Variants in GDPD5 observed in about 807,000 individuals in gnomAD.
GDPD5 encodes the protein glycerophosphodiester phosphodiesterase domain containing 5.
A neutral mutation model predicts 75.1 loss-of-function variants in GDPD5; 48 were observed. The ratio of observed to expected loss-of-function variants is 0.64; its 90% CI spans 0.51 to 0.81. GDPD5 has a LOEUF of 0.81. GDPD5 is among the 40% of genes least tolerant of loss of function. The probability of loss-of-function intolerance (pLI) is 0.00; values close to 1 mark genes in which losing one functional copy is unlikely to be tolerated. For synonymous variants in GDPD5, 336 were observed against 339.0 expected (o/e 0.99, Z 0.10); for missense variants, 706 against 822.6 (o/e 0.86, Z 1.73).
At chr11:75,460,767 C>T (rs1418082472) in intron 4 of GDPD5, among the ~76,000 whole-genome samples, 1 of 151,974 alleles carries the variant, frequency 6.6e-6, no homozygotes, top group Non-Finnish European at 1.5e-5. Flanking sequence ...TTGAGACTAT[C>T]AGGACTGGGC....
At chr11:75,514,455 C>T (rs766507121) in intron 1 of GDPD5, among the ~76,000 whole-genome samples, 2 of 152,262 alleles carry the variant, frequency 1.3e-5, no homozygotes, top group Non-Finnish European at 2.9e-5. Flanking sequence ...AGGACCCAGG[C>T]CTTTAGGCCC....
chr11:75,525,584 G>C lies in GDPD5; in HGVS notation c.-519C>G, dbSNP rs900425533. On this transcript the variant is annotated 5_prime_UTR_variant, in exon 1 of 17. Transcript: ENST00000336898. ...AGGCGCGGAGCGACCCTGCAACCAC[G>C]GACCGGTACGGCGGCGTTAGGAGCG... 10 of 152,162 alleles carry C rather than the reference G, an allele frequency of 6.6e-5. No homozygotes were observed. The highest frequency in any genetic ancestry group is 8.8e-5 in the Non-Finnish European group (6 of 68,068). 9.4% of individuals were successfully genotyped at this position (152,162 alleles called of 1,614,324 possible). A position where few individuals can be genotyped will look rare whatever the true frequency, so the allele number is the denominator to read the frequency against.
intron 1 of GDPD5, among the ~76,000 whole-genome samples, chr11:75,495,125 GGTGTGATGGCACGTGCCTGTA>G (rs899227938): frequency 4.6e-5 from 7 of 151,770 alleles, no homozygotes; most frequent in African/African-American, 1.5e-4. Flanking sequence ...AAATTAGCCG[GGTGTGATGGCACGTGCCTGTA>G]GTCTCAGCTA....
intron 1 of GDPD5, among the ~76,000 whole-genome samples, chr11:75,510,401 G>A (rs968151091): frequency 3.3e-5 from 5 of 152,242 alleles, no homozygotes; most frequent in South Asian, 2.1e-4. Context: ...AGGTGCTGGG[G>A]ACACTGGGAT....
At chr11:75,524,845 G>T (rs1054672304) in intron 1 of GDPD5, among the ~76,000 whole-genome samples, 18 of 152,226 alleles carry the variant, frequency 1.2e-4, no homozygotes, top group African/African-American at 4.3e-4. Context: ...TAGCATCAGC[G>T]CTCAAGTGCT....
At chr11:75,493,280 G>A (rs1950145959) in intron 1 of GDPD5, among the ~76,000 whole-genome samples, 1 of 148,400 alleles carries the variant, frequency 6.7e-6, no homozygotes. Context: ...TTCATTAAGA[G>A]TACACAGGAG....
intron 3 of GDPD5, among the ~76,000 whole-genome samples, chr11:75,469,030 A>C (rs1592102672): frequency 6.6e-6 from 1 of 152,200 alleles, no homozygotes; most frequent in African/African-American, 2.4e-5. Flanking sequence ...TTCGCGTCTG[A>C]CAGCCCTTTA....
chr11:75,437,321 C>T (rs1948652905), intron 15 of GDPD5: 3 of 466,896 alleles, frequency 6.4e-6, no homozygotes, highest in African/African-American at 5.9e-5. Flanking sequence ...AGTTCTGTCT[C>T]AGGTGTCCCC....
At chr11:75,454,779 T>C (rs965886768) in intron 6 of GDPD5, among the ~76,000 whole-genome samples, 3 of 152,260 alleles carry the variant, frequency 2.0e-5, no homozygotes, top group African/African-American at 7.2e-5. Flanking sequence ...AAAATCTGTC[T>C]GGAAAGATAG....
At chr11:75,471,786 G>A (rs187271180) in intron 3 of GDPD5, among the ~76,000 whole-genome samples, 2 of 152,266 alleles carry the variant, frequency 1.3e-5, no homozygotes, top group East Asian at 3.9e-4. Context: ...GAGGAGCTAG[G>A]CAGGGTGTGG....
rs927447990 is a variant in GDPD5, at chr11:75,482,577, G to T, written c.-60-4782C>A. ...TCAAGGCCTCATCTCCCCTGGCTGG[G>T]GACTCCTCCAGATTCCTTGCTTTCA... On this transcript the variant is annotated intron_variant, in intron 2 of 16. Coordinates refer to ENST00000336898, the MANE Select transcript of GDPD5 (RefSeq NM_030792.8). 2.0e-5 allele frequency among the ~76,000 whole-genome samples: 3 copies of T among 152,044 alleles called. No individual in the cohort carries two copies. The East Asian group carries it at 5.8e-4, about 29-fold the overall frequency.
At position 75,469,369 on chromosome 11, in the gene GDPD5, C is replaced by A. The variant is rs554467138; in HGVS notation, c.118-6480G>T. Among the ~76,000 whole-genome samples, 3 of 152,330 alleles carry A rather than the reference C, an allele frequency of 2.0e-5. No homozygotes were observed. The East Asian group carries it at 5.8e-4, about 29-fold the overall frequency. On this transcript the variant is annotated intron_variant, in intron 3 of 16. Coordinates refer to ENST00000336898, the MANE Select transcript of GDPD5 (RefSeq NM_030792.8). The stretch of plus-strand genomic sequence containing the variant: ...CCCTTTACTTGCTCCATCTCATCAT[C>A]CCCACAGTTCTGCAAAGCAGAGGAG...
chr11:75,435,695 A>T, intron 16 of GDPD5, 40 bp from the exon 17 acceptor site: 1 of 1,560,340 alleles, frequency 6.4e-7, no homozygotes, highest in Non-Finnish European at 8.7e-7. Context: ...GTCGGGGAGG[A>T]GGCAGTCGTG....
At chr11:75,457,648 C>A in intron 5 of GDPD5, 45 bp downstream of exon 5, 1 of 1,531,744 alleles carries the variant, frequency 6.5e-7, no homozygotes, top group Non-Finnish European at 9.0e-7. Context: ...AGTATCCCTT[C>A]CCCTGGGAGC....
At chr11:75,520,480 A>G (rs967400971) in intron 1 of GDPD5, among the ~76,000 whole-genome samples, 52 of 151,960 alleles carry the variant, frequency 3.4e-4, no homozygotes, top group Admixed American at 2.8e-3. Flanking sequence ...ACTCAGAGGG[A>G]GGGGAGGATT....
intron 4 of GDPD5, among the ~76,000 whole-genome samples, chr11:75,459,785 G>A (rs550987997): frequency 1.3e-5 from 2 of 150,098 alleles, no homozygotes; most frequent in Non-Finnish European, 3.0e-5. Context: ...ACTCCAGCCT[G>A]GGTGACAGAG....
rs1004909679 is a variant in GDPD5 at position 75,525,613 on chromosome 11, C to T, written c.-548G>A. On this transcript the variant is annotated 5_prime_UTR_variant, in exon 1 of 17. Coordinates refer to ENST00000336898, the MANE Select transcript of GDPD5 (RefSeq NM_030792.8). ...CGGTACGGCGGCGTTAGGAGCGTCCCGTCCCGGCGCAGCGGGTCAGGGCCG... is the reference window on the plus strand; with the variant it reads ...CGGTACGGCGGCGTTAGGAGCGTCCTGTCCCGGCGCAGCGGGTCAGGGCCG... 1.3e-5 allele frequency: 2 copies of T among 151,816 alleles called. No homozygotes were observed. Among genetic ancestry groups the T allele is most frequent in the East Asian group, 2.0e-4 (1 of 5,122 alleles). 9.4% of individuals were successfully genotyped at this position (151,816 alleles called of 1,614,324 possible).
In GDPD5 at chr11:75,439,909, G is replaced by C; in HGVS notation, c.1526C>G (p.Thr509Ser). The change falls in exon 15 of 17, where the codon ACC becomes AGC. Residue 509 changes from threonine to serine, a missense_variant. Transcript: ENST00000336898. ...GAGCACGAAGATGCCCACGATGAGG[G>C]TGAAGGAGACCAGGTCGGCAGTGAC... is the stretch of plus-strand genomic sequence containing the variant. ...MWVTADLVSF[T>S]LIVGIFVLQK... The C allele has an allele frequency of 6.2e-7, 1 of 1,613,998 alleles. No homozygotes were observed. Among genetic ancestry groups the C allele is most frequent in the Non-Finnish European group, 8.5e-7 (1 of 1,179,928 alleles).
At chr11:75,455,843 G>C (rs1949272739) in intron 6 of GDPD5, among the ~76,000 whole-genome samples, 1 of 152,248 alleles carries the variant, frequency 6.6e-6, no homozygotes, top group Non-Finnish European at 1.5e-5. Context: ...GTAAGGCAGA[G>C]AGTTAAGGCT....
Sources: gnomAD v4.1 joint callset for allele counts (sites outside exome capture counted in the v4.1 genomes callset) on GRCh38, gnomAD v4.1.1 for gene constraint, MANE v1.5 for transcripts, NCBI Gene and HGNC (gene_info 2026-07-23, HGNC 2026-07-21) for gene names.